Variants in AGMO observed in about 807,000 individuals in gnomAD.
AGMO encodes the protein glyceryl-ether monooxygenase.
Under a neutral mutation model 60.2 loss-of-function variants are expected in AGMO, and 75 were observed. That is an observed-to-expected ratio of 1.25 (90% CI 1.03 to 1.51). AGMO has a LOEUF of 1.51. Ranked by LOEUF, AGMO falls within the 40% of genes most tolerant of loss-of-function variation. AGMO has a pLI of 0.00. For synonymous variants in AGMO, 261 were observed against 177.1 expected (o/e 1.47, Z -3.76); for missense variants, 763 against 525.5 (o/e 1.45, Z -4.42).
chr7:15,131,486 G>A, the AGMO span, among the ~76,000 whole-genome samples: 4 of 151,972 alleles, frequency 2.6e-5, no homozygotes, highest in African/African-American at 7.3e-5. Flanking sequence ...TAATGGCGTG[G>A]ACACCCCAAA....
chr7:15,526,576 G>C (rs904291949), intron 3 of AGMO, among the ~76,000 whole-genome samples: 1 of 152,092 alleles, frequency 6.6e-6, no homozygotes, highest in African/African-American at 2.4e-5. Flanking sequence ...CAGCTGCCTT[G>C]GGACCACTTA....
chr7:15,386,442 A>G (rs1013271051), intron 9 of AGMO, among the ~76,000 whole-genome samples: 2 of 152,160 alleles, frequency 1.3e-5, no homozygotes, highest in Admixed American at 6.5e-5. Context: ...AAAATGAAAA[A>G]TAATAAATCG....
chr7:15,560,521 C>A (rs555297300), intron 1 of AGMO, among the ~76,000 whole-genome samples: 1 of 151,856 alleles, frequency 6.6e-6, no homozygotes, highest in African/African-American at 2.4e-5. Context: ...GATATAACCA[C>A]GATAATTATA....
At chr7:15,218,384 C>T (rs971433183) in intron 12 of AGMO, among the ~76,000 whole-genome samples, 5 of 135,384 alleles carry the variant, frequency 3.7e-5, no homozygotes, top group African/African-American at 1.1e-4. Flanking sequence ...TTTTGTTTTA[C>T]GATTTTGGGC....
chr7:15,322,235 GTAATA>G lies in AGMO; in HGVS notation c.1263+43274_1263+43278del, dbSNP rs562047083. 5.8e-3 allele frequency among the ~76,000 whole-genome samples: 864 copies of G among 148,750 alleles called. 5 individuals carry two copies. The highest frequency in any genetic ancestry group is 0.02 in the African/African-American group (806 of 40,760). The stretch of plus-strand genomic sequence containing the variant: ...GTTAAAGATAAATATATAATATAAT[GTAATA>G]TAATATAAGAAATACCAAGGTACAT... On this transcript the variant is annotated intron_variant, in intron 12 of 12. Coordinates refer to ENST00000342526, the MANE Select transcript of AGMO (RefSeq NM_001004320.2).
intron 12 of AGMO, among the ~76,000 whole-genome samples, chr7:15,273,286 C>T (rs1047490034): frequency 2.6e-5 from 4 of 152,024 alleles, no homozygotes; most frequent in Non-Finnish European, 2.9e-5. Context: ...CTTCAATCCA[C>T]CTTGAATTAA....
intron 12 of AGMO, among the ~76,000 whole-genome samples, chr7:15,338,139 CTGTG>C (rs1480076663): frequency 6.6e-6 from 1 of 152,056 alleles, no homozygotes; most frequent in Non-Finnish European, 1.5e-5. Flanking sequence ...TATGTTTTCT[CTGTG>C]TAATATTATA....
intron 12 of AGMO, among the ~76,000 whole-genome samples, chr7:15,217,914 C>T (rs930885563): frequency 5.3e-5 from 8 of 151,770 alleles, no homozygotes; most frequent in Non-Finnish European, 7.4e-5. Flanking sequence ...ACTTTATTTT[C>T]GATTCAGGGG....
chr7:15,325,605 TC>T (rs1401738796), intron 12 of AGMO, among the ~76,000 whole-genome samples: 3 of 151,854 alleles, frequency 2.0e-5, no homozygotes, highest in African/African-American at 7.2e-5. Flanking sequence ...ATATAAACAA[TC>T]AAAAAGGAAA....
At chr7:15,390,412 G>A (rs767661086) in intron 8 of AGMO, among the ~76,000 whole-genome samples, 2 of 152,178 alleles carry the variant, frequency 1.3e-5, no homozygotes, top group Non-Finnish European at 2.9e-5. Flanking sequence ...TTCTGAGAAA[G>A]GATATGTTTA....
chr7:15,233,552 T>C (rs552624332), intron 12 of AGMO, among the ~76,000 whole-genome samples: 25 of 140,144 alleles, frequency 1.8e-4, no homozygotes, highest in African/African-American at 7.1e-4. Context: ...AGAGAGTTGT[T>C]TTTTTTTTTC....
chr7:15,167,002 A>G, the AGMO span, among the ~76,000 whole-genome samples: 3 of 152,142 alleles, frequency 2.0e-5, no homozygotes, highest in Non-Finnish European at 4.4e-5. Context: ...ATAGAGAGTG[A>G]TTCTATTTTT....
At chr7:15,249,089 G>T (rs1408963609) in intron 12 of AGMO, among the ~76,000 whole-genome samples, 2 of 152,134 alleles carry the variant, frequency 1.3e-5, no homozygotes, top group African/African-American at 4.8e-5. Context: ...ATGAGCATTA[G>T]GTGCCATGGA....
the AGMO span, among the ~76,000 whole-genome samples, chr7:15,151,585 GTTGT>G: frequency 2.0e-5 from 3 of 152,064 alleles, no homozygotes; most frequent in African/African-American, 7.2e-5. Context: ...TCAGAAGCAG[GTTGT>G]TTAATTTCCA....
intron 3 of AGMO, among the ~76,000 whole-genome samples, chr7:15,499,882 G>T (rs1335780171): frequency 5.6e-5 from 8 of 144,058 alleles, no homozygotes; most frequent in Admixed American, 7.2e-5. Flanking sequence ...ATTGTGTGAA[G>T]GAATGGGAAT....
chr7:15,424,967 G>A (rs1305973501), intron 4 of AGMO, among the ~76,000 whole-genome samples: 1 of 152,160 alleles, frequency 6.6e-6, no homozygotes, highest in Non-Finnish European at 1.5e-5. Flanking sequence ...TAGTTTGGCA[G>A]GGAGTACAAT....
intron 12 of AGMO, among the ~76,000 whole-genome samples, chr7:15,279,046 T>G (rs1783884688): frequency 6.6e-6 from 1 of 152,174 alleles, no homozygotes; most frequent in Admixed American, 6.5e-5. Flanking sequence ...CAGCTGGTGC[T>G]AGGTTGCTTG....
At chr7:15,386,383 C>T (rs572209275) in intron 9 of AGMO, among the ~76,000 whole-genome samples, 86 of 152,256 alleles carry the variant, frequency 5.6e-4, no homozygotes, top group African/African-American at 1.7e-3. Flanking sequence ...CAGACTCCAG[C>T]ACTCACATAA....
At chr7:15,184,414 A>AAGGG in the AGMO span, among the ~76,000 whole-genome samples, 2 of 126,388 alleles carry the variant, frequency 1.6e-5, no homozygotes, top group Non-Finnish European at 3.4e-5. Flanking sequence ...AAAGGGAAGG[A>AAGGG]AGGAAGGAAA....
Sources: allele counts gnomAD v4.1 joint callset (sites outside exome capture counted in the v4.1 genomes callset), GRCh38; gene constraint gnomAD v4.1.1; transcripts MANE v1.5; gene names NCBI Gene and HGNC (gene_info 2026-07-23, HGNC 2026-07-21).